RBM33: variants seen among roughly 807,000 people sequenced by gnomAD.
RBM33 encodes RNA binding motif protein 33, also known as RNA-binding protein 33.
In RBM33, 28 loss-of-function variants were observed where a neutral mutation model predicts 132.6. The observed-to-expected ratio is 0.21, with a 90% CI of 0.16 to 0.29. The LOEUF (loss-of-function observed/expected upper bound fraction) is 0.29, where lower values mean the gene tolerates loss of function less well. Among genes scored for constraint, RBM33 ranks in the 10% least tolerant of loss-of-function variants. RBM33 has a pLI of 1.00. For missense variants in RBM33, 1,291 were observed against 1,518.5 expected (o/e 0.85, Z 2.49); for synonymous variants, 634 against 593.0 (o/e 1.07, Z -1.01).
chr7:155,694,097 A>G (rs997247163), intron 5 of RBM33, among the ~76,000 whole-genome samples: 39 of 152,276 alleles, frequency 2.6e-4, no homozygotes, highest in African/African-American at 8.7e-4. Flanking sequence ...GGTTTTCCAG[A>G]TGACTTCATT....
At chr7:155,647,572 A>G (rs1386732900) in intron 1 of RBM33, among the ~76,000 whole-genome samples, 1 of 152,192 alleles carries the variant, frequency 6.6e-6, no homozygotes, top group African/African-American at 2.4e-5. Flanking sequence ...CTGGGACTGC[A>G]GGTGTGCACC....
At chr7:155,766,326 G>A (rs757484208) in intron 15 of RBM33, 141 bp from the exon 16 acceptor site, 200 of 932,244 alleles carry the variant, frequency 2.1e-4, no homozygotes, top group Non-Finnish European at 2.6e-4. Context: ...TTCTCTGATA[G>A]TGGATAGAAA....
intron 11 of RBM33, 184 bp from the exon 12 acceptor site, chr7:155,739,531 G>T (rs73167162): frequency 0.045 from 28,217 of 631,146 alleles, 1,001 homozygotes; most frequent in African/African-American, 0.14. Flanking sequence ...AAAATTTAAG[G>T]TAATAGCTTC....
intron 5 of RBM33, among the ~76,000 whole-genome samples, chr7:155,690,756 A>T (rs1585442488): frequency 2.0e-5 from 3 of 152,154 alleles, no homozygotes; most frequent in Admixed American, 2.0e-4. Flanking sequence ...TGAAATTCTG[A>T]GTTGAAAATT....
At chr7:155,769,299 C>G (rs894915131) in intron 16 of RBM33, among the ~76,000 whole-genome samples, 10 of 152,128 alleles carry the variant, frequency 6.6e-5, no homozygotes, top group African/African-American at 2.2e-4. Flanking sequence ...AAGCAAGAAA[C>G]CGTCATCTGT....
chr7:155,768,848 C>T (rs540000684), intron 16 of RBM33, among the ~76,000 whole-genome samples: 1 of 152,138 alleles, frequency 6.6e-6, no homozygotes, highest in African/African-American at 2.4e-5. Flanking sequence ...CTCCTGACCT[C>T]GTGATCCGCC....
At chr7:155,646,684 G>T (rs987624314) in intron 1 of RBM33, among the ~76,000 whole-genome samples, 1 of 152,330 alleles carries the variant, frequency 6.6e-6, no homozygotes, top group Middle Eastern at 3.4e-3. Flanking sequence ...ATGTATGTCC[G>T]TTGCTCTTGT....
intron 5 of RBM33, among the ~76,000 whole-genome samples, chr7:155,696,344 C>T (rs796290389): frequency 6.2e-4 from 95 of 152,328 alleles, no homozygotes; most frequent in African/African-American, 2.2e-3. Flanking sequence ...ACACTAACAT[C>T]TTAATAATCA....
intron 16 of RBM33, among the ~76,000 whole-genome samples, chr7:155,769,669 A>G (rs1802348316): frequency 6.6e-6 from 1 of 152,114 alleles, no homozygotes; most frequent in Non-Finnish European, 1.5e-5. Context: ...AAAGTGGATC[A>G]CCGAGAAGAC....
intron 5 of RBM33, among the ~76,000 whole-genome samples, chr7:155,693,628 T>C (rs1799709109): frequency 7.2e-6 from 1 of 138,048 alleles, no homozygotes; most frequent in African/African-American, 2.4e-5. Flanking sequence ...TTTGTGATGA[T>C]GGCAGGTTCT....
chr7:155,711,048 A>G, intron 7 of RBM33, 155 bp from the exon 8 acceptor site: 3 of 1,079,510 alleles, frequency 2.8e-6, no homozygotes, highest in Non-Finnish European at 3.7e-6. Flanking sequence ...TTTTGATACA[A>G]GTTGTTACTA....
intron 1 of RBM33, among the ~76,000 whole-genome samples, chr7:155,661,469 G>A (rs745804986): frequency 1.3e-5 from 2 of 149,368 alleles, no homozygotes; most frequent in Non-Finnish European, 3.0e-5. Flanking sequence ...GTGCAGTGGT[G>A]TGGTCTCGGC....
Position 155,763,967 on chromosome 7 carries a change from G to A in RBM33, c.3135G>A (p.Ser1045=), listed in dbSNP as rs753401423. The change falls in exon 15 of 18, where the codon TCG becomes TCA. Residue 1045 remains serine (S), a synonymous_variant. Coordinates refer to ENST00000401878, the MANE Select transcript of RBM33 (RefSeq NM_053043.3). The part of the protein sequence containing the change: ...PHLPAGPHAH[S]PVPPGIKSIQ... ...TGCCAGCGGGGCCCCACGCACACTC[G>A]CCTGTCCCTCCAGGGATCAAAAGCA... 15 of 1,595,512 alleles carry A rather than the reference G, an allele frequency of 9.4e-6. No individual in the cohort carries two copies. Among genetic ancestry groups the A allele is most frequent in the South Asian group, 2.3e-5 (2 of 88,018 alleles).
chr7:155,680,932 G>T (rs1405640226), intron 5 of RBM33, 24 bp downstream of exon 5: 1 of 1,586,492 alleles, frequency 6.3e-7, no homozygotes, highest in South Asian at 1.1e-5. Context: ...CCTTTGTATG[G>T]CCAAAGATAA....
chr7:155,766,288 A>G (rs1585547437), intron 15 of RBM33, among the ~76,000 whole-genome samples, 179 bp from the exon 16 acceptor site: 4 of 152,264 alleles, frequency 2.6e-5, no homozygotes, highest in East Asian at 1.9e-4. Context: ...CTTGCTGGAT[A>G]TAGTTGTCTC....
At chr7:155,742,143 A>C in intron 13 of RBM33, 37 bp downstream of exon 13, 1 of 1,558,336 alleles carries the variant, frequency 6.4e-7, no homozygotes, top group South Asian at 1.2e-5. Context: ...GTTGGTCTCA[A>C]ACAAGAAGCC....
At chr7:155,723,919 G>A (rs1800700077) in intron 9 of RBM33, among the ~76,000 whole-genome samples, 1 of 152,058 alleles carries the variant, frequency 6.6e-6, no homozygotes. Context: ...TTCGTTTATT[G>A]GCTAAGTAAA....
chr7:155,762,624 C>A (rs1802073104), intron 14 of RBM33, among the ~76,000 whole-genome samples: 1 of 152,174 alleles, frequency 6.6e-6, no homozygotes, highest in African/African-American at 2.4e-5. Flanking sequence ...CCATCTTGCC[C>A]CAATCCCATG....
Position 155,745,343 on chromosome 7 carries a change from T to C in RBM33, c.2720T>C (p.Met907Thr), listed in dbSNP as rs1192699436. Reference protein sequence around the residue: ...SANMQYQGQQMKALKHLRQTR... With the variant: ...SANMQYQGQQTKALKHLRQTR... ...AACATGCAGTATCAAGGACAACAGA[T>C]GAAAGCACTGAAACATTTGAGACAG... Residue 907 changes from methionine to threonine, a missense_variant, in exon 14 of 18, where the codon ATG (methionine) becomes ACG (threonine). By Grantham distance (81) the Met-to-Thr change is moderately conservative. Transcript: ENST00000401878. This position sits in a 1 kb window ranked among gnomAD's most constrained non-coding sequence, Gnocchi z 4.1. 1 of 1,613,248 alleles carries C rather than the reference T, an allele frequency of 6.2e-7. No homozygotes were observed.
Sources: allele counts gnomAD v4.1 joint callset (sites outside exome capture counted in the v4.1 genomes callset), GRCh38; gene constraint gnomAD v4.1.1; non-coding constraint Gnocchi (gnomAD v3.1); transcripts MANE v1.5; gene names NCBI Gene and HGNC (gene_info 2026-07-23, HGNC 2026-07-21).